The following DMD variants were observed in gnomAD, a reference collection of about 807,000 sequenced individuals.
DMD encodes the protein dystrophin, also known as mutant dystrophin.
A neutral mutation model predicts 330.1 loss-of-function variants in DMD; 63 were observed. The ratio of observed to expected loss-of-function variants is 0.19; its 90% CI spans 0.16 to 0.24. DMD has a LOEUF of 0.24. DMD is among the 10% of genes least tolerant of loss of function. The pLI is 1.00. For missense variants in DMD, 3,344 were observed against 2,684.1 expected (o/e 1.25, Z -5.43); for synonymous variants, 1,223 against 959.8 (o/e 1.27, Z -5.07).
At chrX:32,141,271 C>CA (rs35628041) in intron 44 of DMD, among the ~76,000 whole-genome samples, 34,341 of 96,753 alleles carry the variant, frequency 0.35, 4,691 homozygotes, top group Non-Finnish European at 0.39. Context: ...ACTAAAAATA[C>CA]AAAAAAAAAA....
chrX:32,605,797 T>C (rs866397770), intron 12 of DMD, among the ~76,000 whole-genome samples: 3 of 110,532 alleles, frequency 2.7e-5, no homozygotes, highest in South Asian at 7.6e-4. Context: ...GAGAAAATGC[T>C]CAACATCACT....
intron 67 of DMD, among the ~76,000 whole-genome samples, chrX:31,195,758 G>A (rs2042812294): frequency 9.6e-6 from 1 of 104,323 alleles, no homozygotes; most frequent in Admixed American, 1.0e-4. Flanking sequence ...GGGAGAGAGA[G>A]AGAACGAAAG....
chrX:33,013,283 T>A, intron 2 of DMD, among the ~76,000 whole-genome samples: 1 of 111,355 alleles, frequency 9.0e-6, no homozygotes, highest in Non-Finnish European at 1.9e-5. Flanking sequence ...CATATACATA[T>A]AATTTTCAGT....
chrX:32,613,634 A>T (rs1285055795), intron 12 of DMD, among the ~76,000 whole-genome samples: 2 of 110,801 alleles, frequency 1.8e-5, no homozygotes, highest in South Asian at 7.7e-4. Context: ...ATTAAAAAAA[A>T]TCGTAGCCTT....
chrX:31,583,553 T>C (rs976991334), intron 55 of DMD, among the ~76,000 whole-genome samples: 1 of 110,995 alleles, frequency 9.0e-6, no homozygotes, highest in East Asian at 2.8e-4. Flanking sequence ...AATAGCCAGA[T>C]AAATGGACTG....
chrX:33,053,717 A>C (rs919096116), intron 1 of DMD, among the ~76,000 whole-genome samples: 1 of 112,206 alleles, frequency 8.9e-6, no homozygotes, highest in African/African-American at 3.2e-5. Context: ...CAAAAAGGAG[A>C]CATCACCTAA....
chrX:31,763,284 C>T (rs908029616), intron 51 of DMD, among the ~76,000 whole-genome samples: 1 of 112,578 alleles, frequency 8.9e-6, no homozygotes, highest in Non-Finnish European at 1.9e-5. Flanking sequence ...ATATTGGCAG[C>T]CGGGCACGGT....
chrX:31,522,363 C>CTCTCTCTCTCTATATATATATATATATA, intron 55 of DMD, among the ~76,000 whole-genome samples: 7 of 35,962 alleles, frequency 1.9e-4, no homozygotes, highest in African/African-American at 5.7e-4. Flanking sequence ...CTCTCTCTCT[C>CTCTCTCTCTCTATATATATATATATATA]TATATATATA....
chrX:33,009,637 TATAC>T (rs1405343434), intron 2 of DMD, among the ~76,000 whole-genome samples: 1 of 62,080 alleles, frequency 1.6e-5, no homozygotes, highest in African/African-American at 5.9e-5. Context: ...TGTATGTGTA[TATAC>T]ACATATGTGT....
intron 1 of DMD, among the ~76,000 whole-genome samples, chrX:33,056,422 A>G (rs1218433174): frequency 1.9e-5 from 2 of 107,686 alleles, no homozygotes; most frequent in Non-Finnish European, 3.8e-5. Flanking sequence ...GTGTAGTGGC[A>G]CGATCTCGGC....
At position 31,177,791 on chromosome X, in the gene DMD, AC is replaced by A; in HGVS notation, c.10262+140del. 7 of 573,867 alleles carry A rather than the reference AC, an allele frequency of 1.2e-5. No individual in the cohort carries two copies. In the Admixed American group the frequency reaches 1.8e-4, roughly 15 times the overall value. 47.3% of individuals were successfully genotyped at this position (573,867 alleles called of 1,213,427 possible). ...TCTCATCAAGAAAAGAAAAAAAAAA[AC>A]TGAAATGAAGGAAGGGGAATTAATA... is the stretch of plus-strand genomic sequence containing the variant. On this transcript the variant is annotated intron_variant, in intron 71 of 78. Transcript: ENST00000357033.
chrX:32,871,348 A>C (rs1239107216), intron 2 of DMD, among the ~76,000 whole-genome samples: 2 of 111,313 alleles, frequency 1.8e-5, no homozygotes, highest in Non-Finnish European at 3.8e-5. Context: ...AACAGGCTTA[A>C]GGCTTGTCTC....
intron 60 of DMD, among the ~76,000 whole-genome samples, chrX:31,402,293 G>A (rs923732494): frequency 8.9e-6 from 1 of 111,966 alleles, no homozygotes; most frequent in Admixed American, 9.5e-5. Context: ...TGGATGTCAG[G>A]CAGGGTGGAT....
At position 32,452,340 on chromosome X, in the gene DMD, G is replaced by GGAAAGT. The variant is rs2098334026; in HGVS notation, c.3603+2321_3603+2322insACTTTC. ...GTGAAAGTGAAAGTGAAAGTGAAAG[G>GGAAAGT]GAAAGGGAAAGGGAAAGGGAAAGGG... On this transcript the variant is annotated intron_variant, in intron 26 of 78. Transcript: ENST00000357033. Among the ~76,000 whole-genome samples, 13 of 6,691 alleles carry GGAAAGT rather than the reference G, an allele frequency of 1.9e-3. 1 individual carries two copies. The highest frequency in any genetic ancestry group is 2.9e-3 in the Non-Finnish European group (10 of 3,502). 5.8% of individuals were successfully genotyped at this position (6,691 alleles called of 115,157 possible). A position where few individuals can be genotyped will look rare whatever the true frequency, so the allele number is the denominator to read the frequency against.
chrX:32,943,724 T>C (rs2090592718), intron 2 of DMD, among the ~76,000 whole-genome samples: 1 of 112,133 alleles, frequency 8.9e-6, no homozygotes, highest in African/African-American at 3.2e-5. Flanking sequence ...TTTCTCTTGA[T>C]TGGTATTGCA....
intron 48 of DMD, among the ~76,000 whole-genome samples, chrX:31,855,195 G>GGT (rs201402144): frequency 2.3e-5 from 2 of 86,512 alleles, no homozygotes. Context: ...ATTTGAGTGT[G>GGT]GTTCTGATGA....
chrX:33,017,221 C>T (rs1440935213), intron 2 of DMD, among the ~76,000 whole-genome samples: 1 of 111,624 alleles, frequency 9.0e-6, no homozygotes, highest in Non-Finnish European at 1.9e-5. Flanking sequence ...AACAAGGATA[C>T]ATTTAATCAC....
intron 3 of DMD, among the ~76,000 whole-genome samples, chrX:32,845,126 G>A (rs2080542781): frequency 8.9e-6 from 1 of 111,769 alleles, no homozygotes; most frequent in Non-Finnish European, 1.9e-5. Flanking sequence ...CTATAGCCCA[G>A]TTGGGGATTA....
intron 48 of DMD, among the ~76,000 whole-genome samples, chrX:31,846,929 A>G (rs906229454): frequency 7.1e-5 from 8 of 111,975 alleles, no homozygotes; most frequent in African/African-American, 2.6e-4. Context: ...AAATGGCAAC[A>G]AGGCTGGCAT....
Sources: allele counts gnomAD v4.1 joint callset (sites outside exome capture counted in the v4.1 genomes callset), GRCh38; gene constraint gnomAD v4.1.1; transcripts MANE v1.5; gene names NCBI Gene and HGNC (gene_info 2026-07-23, HGNC 2026-07-21).